The following PDE4D variants were observed in gnomAD, a reference collection of about 807,000 sequenced individuals.
The protein encoded by PDE4D is 3',5'-cyclic-AMP phosphodiesterase 4D.
Under a neutral mutation model 87.4 loss-of-function variants are expected in PDE4D, and 24 were observed. The observed-to-expected ratio is 0.27, with a 90% confidence interval of 0.20 to 0.39. The LOEUF (loss-of-function observed/expected upper bound fraction) is 0.39. Ranked by LOEUF, PDE4D falls within the 10% of genes least tolerant of loss-of-function variation. The pLI, the probability that PDE4D is intolerant of heterozygous loss-of-function variation, is 1.00. For missense variants in PDE4D, 714 were observed against 1,041.0 expected (o/e 0.69, Z 4.32); for synonymous variants, 384 against 383.2 (o/e 1.00, Z -0.02).
chr5:59,120,158 T>A (rs957967873), intron 5 of PDE4D, among the ~76,000 whole-genome samples: 2 of 152,134 alleles, frequency 1.3e-5, no homozygotes, highest in African/African-American at 4.8e-5. Flanking sequence ...AAACTAAAGT[T>A]CCACAGAGAC....
chr5:60,087,833 T>A (rs562208703), intron 2 of PDE4D, among the ~76,000 whole-genome samples: 14 of 152,204 alleles, frequency 9.2e-5, no homozygotes, highest in African/African-American at 3.4e-4. Context: ...AGAAAGCATA[T>A]TTCAAAAAGT....
intron 1 of PDE4D, among the ~76,000 whole-genome samples, chr5:59,757,497 G>T (rs1761419503): frequency 6.6e-6 from 1 of 152,122 alleles, no homozygotes; most frequent in Admixed American, 6.6e-5. Context: ...GTGGAATTTG[G>T]CATGAAGGCT....
chr5:59,929,627 C>T (rs1343489598), intron 3 of PDE4D, among the ~76,000 whole-genome samples: 1 of 152,054 alleles, frequency 6.6e-6, no homozygotes, highest in Non-Finnish European at 1.5e-5. Flanking sequence ...AAAATTTAAG[C>T]AAGCACACAG....
intron 1 of PDE4D, among the ~76,000 whole-genome samples, chr5:59,535,078 G>GGT (rs974087538): frequency 4.1e-5 from 3 of 72,432 alleles, no homozygotes; most frequent in Non-Finnish European, 1.0e-4. Context: ...TGTGTGTGTG[G>GGT]GGGGGGGGTC....
At chr5:59,861,299 T>TAAC (rs1313363358) in intron 1 of PDE4D, among the ~76,000 whole-genome samples, 2 of 152,220 alleles carry the variant, frequency 1.3e-5, no homozygotes, top group Non-Finnish European at 1.5e-5. Context: ...TAATTTTTTT[T>TAAC]AACTCCAGCA....
intron 1 of PDE4D, among the ~76,000 whole-genome samples, chr5:59,483,820 AC>A (rs1195942934): frequency 6.6e-6 from 1 of 152,118 alleles, no homozygotes; most frequent in Non-Finnish European, 1.5e-5. Context: ...TTTTAGGGAC[AC>A]CTTTGCTGCT....
chr5:60,049,439 A>G (rs956553053), intron 2 of PDE4D, among the ~76,000 whole-genome samples: 1 of 151,976 alleles, frequency 6.6e-6, no homozygotes, highest in Non-Finnish European at 1.5e-5. Flanking sequence ...GAGGAGAGGC[A>G]CTCTGCTTTT....
chr5:59,197,373 A>G (rs1254492114), intron 2 of PDE4D, among the ~76,000 whole-genome samples: 1 of 152,134 alleles, frequency 6.6e-6, no homozygotes, highest in African/African-American at 2.4e-5. Flanking sequence ...TTGCCCAGAA[A>G]TTGTTTCTGC....
At chr5:59,880,639 C>T (rs1276539406) in intron 1 of PDE4D, among the ~76,000 whole-genome samples, 1 of 152,082 alleles carries the variant, frequency 6.6e-6, no homozygotes, top group Admixed American at 6.5e-5. Context: ...TGATATGTGA[C>T]ATCACAAAGC....
At chr5:59,058,161 C>T (rs1288345142) in intron 5 of PDE4D, among the ~76,000 whole-genome samples, 1 of 152,170 alleles carries the variant, frequency 6.6e-6, no homozygotes, top group East Asian at 1.9e-4. Flanking sequence ...GCATGAAACA[C>T]TTCCCCTGTT....
rs373974564 is a variant in PDE4D at position 60,473,877 on chromosome 5, C to G, written c.-90+14065G>C. On this transcript the variant is annotated intron_variant, in intron 1 of 16. Coordinates refer to the PDE4D transcript ENST00000502484. Reference sequence around the variant, plus strand: ...TGACCCCACCCCAGCCCCCGCCCGCCGCATTATTCTGCTTCAAAGCCTTTG... The same window carrying G: ...TGACCCCACCCCAGCCCCCGCCCGCGGCATTATTCTGCTTCAAAGCCTTTG... 5.3e-4 allele frequency among the ~76,000 whole-genome samples: 80 copies of G among 151,104 alleles called. 2 individuals are homozygous for G. Among genetic ancestry groups the G allele is most frequent in the Admixed American group, 3.4e-3 (51 of 15,146 alleles).
intron 1 of PDE4D, among the ~76,000 whole-genome samples, chr5:59,229,512 CA>C (rs1754656107): frequency 6.6e-6 from 1 of 152,136 alleles, no homozygotes; most frequent in Non-Finnish European, 1.5e-5. Flanking sequence ...GGGGTGGGAT[CA>C]AGGTTTTGTG....
At chr5:59,751,574 G>GGTGTGTGTGTGTGTGTGTGTGTGTGTGT (rs57407769) in intron 1 of PDE4D, among the ~76,000 whole-genome samples, 2 of 142,630 alleles carry the variant, frequency 1.4e-5, no homozygotes, top group African/African-American at 5.3e-5. Context: ...ATAAATCCCT[G>GGTGTGTGTGTGTGTGTGTGTGTGTGTGT]GTGTGTGTGT....
At chr5:59,244,321 C>A (rs1758301892) in intron 1 of PDE4D, among the ~76,000 whole-genome samples, 1 of 151,782 alleles carries the variant, frequency 6.6e-6, no homozygotes, top group South Asian at 2.1e-4. Flanking sequence ...TCACTTGAAC[C>A]CAGGAGACGT....
intron 1 of PDE4D, among the ~76,000 whole-genome samples, chr5:59,409,479 G>A (rs1043735362): frequency 6.6e-6 from 1 of 152,142 alleles, no homozygotes; most frequent in Non-Finnish European, 1.5e-5. Context: ...GCCCTGGTGC[G>A]TGGTGTCTGG....
intron 1 of PDE4D, among the ~76,000 whole-genome samples, chr5:59,265,470 G>A (rs966749134): frequency 6.6e-6 from 1 of 151,950 alleles, no homozygotes; most frequent in Non-Finnish European, 1.5e-5. Flanking sequence ...CTACCTTATG[G>A]AAAAGAAACC....
chr5:59,115,080 A>G (rs940538382), intron 5 of PDE4D, among the ~76,000 whole-genome samples: 6 of 145,762 alleles, frequency 4.1e-5, no homozygotes, highest in Non-Finnish European at 6.1e-5. Context: ...AGAAGGGGCG[A>G]TAGATGGAGC....
rs575899393 is a variant in PDE4D, at chr5:59,703,197, T to G, written c.455+189971A>C. The stretch of plus-strand genomic sequence containing the variant: ...AGAATAATCACTTAAAAGTCTGCTG[T>G]TTTTGACCATAATTGCACATGGATA... On this transcript the variant is annotated intron_variant, in intron 1 of 14. Transcript: ENST00000340635. 1.8e-3 allele frequency among the ~76,000 whole-genome samples: 276 copies of G among 152,278 alleles called. 1 individual carries two copies. The highest frequency in any genetic ancestry group is 3.3e-3 in the Non-Finnish European group (225 of 68,014).
At chr5:59,507,133 A>G (rs916592589) in intron 1 of PDE4D, among the ~76,000 whole-genome samples, 1 of 152,148 alleles carries the variant, frequency 6.6e-6, no homozygotes, top group Non-Finnish European at 1.5e-5. Flanking sequence ...GGAGTTCGTG[A>G]CCAGCCCGGC....
Sources: gnomAD v4.1 joint callset for allele counts (sites outside exome capture counted in the v4.1 genomes callset) on GRCh38, gnomAD v4.1.1 for gene constraint, MANE v1.5 for transcripts, NCBI Gene and HGNC (gene_info 2026-07-23, HGNC 2026-07-21) for gene names.